Variants in GAB1 observed in about 807,000 individuals in gnomAD.
GAB1 encodes the protein GRB2 associated binding protein 1, also known as GRB2-associated-binding protein 1.
Under a neutral mutation model 66.5 loss-of-function variants are expected in GAB1, and 19 were observed. That is an observed-to-expected ratio of 0.29 (90% CI 0.20 to 0.42). The LOEUF (loss-of-function observed/expected upper bound fraction) is 0.42. Among genes scored for constraint, GAB1 ranks in the 10% least tolerant of loss-of-function variants. The pLI is 1.00. For synonymous variants in GAB1, 294 were observed against 301.4 expected (o/e 0.98, Z 0.25); for missense variants, 732 against 858.5 (o/e 0.85, Z 1.84).
chr4:143,351,732 G>A (rs1433710940), intron 1 of GAB1, among the ~76,000 whole-genome samples: 1 of 152,120 alleles, frequency 6.6e-6, no homozygotes, highest in African/African-American at 2.4e-5. Flanking sequence ...AATTTCTGGA[G>A]ACATTTTGGT....
chr4:143,387,862 C>T (rs1730991602), intron 1 of GAB1, among the ~76,000 whole-genome samples: 1 of 152,198 alleles, frequency 6.6e-6, no homozygotes, highest in African/African-American at 2.4e-5. Flanking sequence ...CCTTCACAGT[C>T]TTACACACAC....
At chr4:143,457,871 G>T (rs888838190) in intron 6 of GAB1, 8 of 636,598 alleles carry the variant, frequency 1.3e-5, no homozygotes, top group Non-Finnish European at 2.1e-5. Context: ...AAATACTACT[G>T]CTGTTGTAAA....
chr4:143,361,479 C>T (rs1729660165), intron 1 of GAB1, among the ~76,000 whole-genome samples: 1 of 152,150 alleles, frequency 6.6e-6, no homozygotes, highest in South Asian at 2.1e-4. Flanking sequence ...TTCTCAGTTA[C>T]AAGCAATAGA....
intron 1 of GAB1, among the ~76,000 whole-genome samples, chr4:143,358,739 A>G (rs1202927383): frequency 6.6e-6 from 1 of 152,240 alleles, no homozygotes; most frequent in Non-Finnish European, 1.5e-5. Context: ...ATGAGTATTC[A>G]GTAGGTTCAT....
chr4:143,464,025 C>T (rs1735644486), intron 8 of GAB1, among the ~76,000 whole-genome samples: 2 of 152,120 alleles, frequency 1.3e-5, no homozygotes, highest in South Asian at 4.1e-4. Flanking sequence ...GGGTATGGGT[C>T]TTTCATTGAT....
chr4:143,361,399 T>C (rs1182674335), intron 1 of GAB1, among the ~76,000 whole-genome samples: 3 of 152,174 alleles, frequency 2.0e-5, no homozygotes, highest in Non-Finnish European at 4.4e-5. Context: ...TTTTGTTTGC[T>C]CTGCAGATCT....
At chr4:143,344,587 G>A (rs1728931260) in intron 1 of GAB1, among the ~76,000 whole-genome samples, 1 of 152,100 alleles carries the variant, frequency 6.6e-6, no homozygotes. Context: ...ATTGTACTGT[G>A]GATTTCCATA....
intron 1 of GAB1, 96 bp downstream of exon 1, chr4:143,337,356 G>A: frequency 9.4e-7 from 1 of 1,068,146 alleles, no homozygotes; most frequent in South Asian, 1.4e-5. Flanking sequence ...GCGCGGGGCT[G>A]GTTCTTAAAC....
intron 9 of GAB1, among the ~76,000 whole-genome samples, chr4:143,467,886 C>T (rs1420035999): frequency 2.6e-5 from 4 of 152,210 alleles, no homozygotes; most frequent in Non-Finnish European, 4.4e-5. Flanking sequence ...ACCACTCCCT[C>T]TACTTCTCTT....
Position 143,471,367 on chromosome 4 carries a change from T to C in GAB1, c.*2178T>C, listed in dbSNP as rs1388256768. On this transcript the variant is annotated 3_prime_UTR_variant, in exon 10 of 10. Transcript: ENST00000262994. ...AACTAAATCACATTGAACATTGTAT[T>C]AGAGAATTAAATTAAAAGTTTCTTA... is the stretch of plus-strand genomic sequence containing the variant. The C allele has an allele frequency of 2.0e-5, 3 of 152,222 alleles. No individual in the cohort carries two copies. The highest frequency in any genetic ancestry group is 2.9e-5 in the Non-Finnish European group (2 of 68,028). The allele number at this position is 152,222 out of a possible 1,614,324, so 9.4% of individuals were successfully genotyped here.
chr4:143,373,069 A>G (rs1343847881), intron 1 of GAB1, among the ~76,000 whole-genome samples: 1 of 152,076 alleles, frequency 6.6e-6, no homozygotes, highest in African/African-American at 2.4e-5. Context: ...ACACACACAC[A>G]CACACACACA....
At chr4:143,457,870 T>C in intron 6 of GAB1, 1 of 640,400 alleles carries the variant, frequency 1.6e-6, no homozygotes, top group Non-Finnish European at 2.6e-6. Context: ...TAAATACTAC[T>C]GCTGTTGTAA....
In GAB1 at chr4:143,337,049, G is replaced by A; in HGVS notation, c.-140G>A. 1 of 684,380 alleles carries A rather than the reference G, an allele frequency of 1.5e-6. No homozygotes were observed. The allele number at this position is 684,380 out of a possible 1,614,324, so 42.4% of individuals were successfully genotyped here. On this transcript the variant is annotated 5_prime_UTR_variant, in exon 1 of 10. Transcript: ENST00000262994. ...ACTCGTGGAACCCGCGCACCGTGGA[G>A]TCTGTCCGCCCAGTCCGTCCGGGGT...
chr4:143,432,477 A>C (rs1032729476), intron 2 of GAB1, among the ~76,000 whole-genome samples: 4 of 152,196 alleles, frequency 2.6e-5, no homozygotes, highest in African/African-American at 4.8e-5. Context: ...AAAAGGGAAA[A>C]GAAGAAAAAT....
intron 2 of GAB1, among the ~76,000 whole-genome samples, chr4:143,422,484 C>A (rs563998333): frequency 6.6e-6 from 1 of 152,284 alleles, no homozygotes; most frequent in South Asian, 2.1e-4. Context: ...GAGCCTATCA[C>A]ATCAAGTTTG....
At chr4:143,417,940 G>T (rs1301273094) in intron 2 of GAB1, among the ~76,000 whole-genome samples, 1 of 152,006 alleles carries the variant, frequency 6.6e-6, no homozygotes. Flanking sequence ...ACCATAAGGA[G>T]TGGAAAATTG....
At position 143,432,545 on chromosome 4, in the gene GAB1, G is replaced by A. The variant is rs540135223; in HGVS notation, c.368-946G>A. Among the ~76,000 whole-genome samples the A allele has an allele frequency of 5.9e-5, 9 of 152,266 alleles. No homozygotes were observed. The East Asian group carries it at 7.7e-4, about 13-fold the overall frequency. ...AACAGATTGAATACAAGGCCACCAC[G>A]TGGGAACTGAAGAGACTTCAGTTTC... On this transcript the variant is annotated intron_variant, in intron 2 of 9. Transcript: ENST00000262994.
chr4:143,430,064 C>T (rs1039824049), intron 2 of GAB1, among the ~76,000 whole-genome samples: 4 of 152,154 alleles, frequency 2.6e-5, no homozygotes, highest in Non-Finnish European at 5.9e-5. Flanking sequence ...GCTTGATGTT[C>T]GTGAACATTT....
At chr4:143,408,372 C>T (rs1010945166) in intron 1 of GAB1, among the ~76,000 whole-genome samples, 10 of 152,106 alleles carry the variant, frequency 6.6e-5, no homozygotes, top group African/African-American at 2.4e-4. Flanking sequence ...TTCATCTGAC[C>T]TATTCTTAGT....
Sources: allele counts gnomAD v4.1 joint callset (sites outside exome capture counted in the v4.1 genomes callset), GRCh38; gene constraint gnomAD v4.1.1; transcripts MANE v1.5; gene names NCBI Gene and HGNC (gene_info 2026-07-23, HGNC 2026-07-21).